The following TPH1 variants were observed in gnomAD, a reference collection of about 807,000 sequenced individuals.
The protein encoded by TPH1 is tryptophan 5-hydroxylase 1.
TPH1 carries 37 observed loss-of-function variants against 49.5 expected under a neutral mutation model. The observed-to-expected ratio is 0.75, with a 90% CI of 0.58 to 0.98. The LOEUF is 0.98. Among genes scored for constraint, TPH1 ranks in the 50% least tolerant of loss-of-function variants. TPH1 has a pLI of 0.00. For missense variants in TPH1, 487 were observed against 523.6 expected (o/e 0.93, Z 0.68); for synonymous variants, 160 against 182.1 (o/e 0.88, Z 0.98).
intron 2 of TPH1, among the ~76,000 whole-genome samples, chr11:18,036,847 T>C (rs1848052071): frequency 6.6e-6 from 1 of 152,118 alleles, no homozygotes; most frequent in African/African-American, 2.4e-5. Flanking sequence ...CATCCTAAAA[T>C]AACTTAATGA....
Sources: allele counts gnomAD v4.1 joint callset (sites outside exome capture counted in the v4.1 genomes callset), GRCh38; gene constraint gnomAD v4.1.1; transcripts MANE v1.5; gene names NCBI Gene and HGNC (gene_info 2026-07-23, HGNC 2026-07-21).